The following EDN1 variants were observed in gnomAD, a reference collection of about 807,000 sequenced individuals.
EDN1 encodes endothelin 1, also known as endothelin-1.
EDN1 carries 11 observed loss-of-function variants against 21.7 expected under a neutral mutation model. The observed-to-expected ratio is 0.51, with a 90% CI of 0.32 to 0.84. The LOEUF is 0.84. Ranked by LOEUF, EDN1 falls within the 40% of genes least tolerant of loss-of-function variation. The probability of loss-of-function intolerance (pLI) is 0.03; values close to 1 mark genes in which losing one functional copy is unlikely to be tolerated. For missense variants in EDN1, 244 were observed against 262.3 expected (o/e 0.93, Z 0.48); for synonymous variants, 85 against 90.6 (o/e 0.94, Z 0.35).
chr6:12,269,356 A>G, the EDN1 span, among the ~76,000 whole-genome samples: 1 of 151,952 alleles, frequency 6.6e-6, no homozygotes, highest in Non-Finnish European at 1.5e-5. Context: ...CAGGACTTCC[A>G]TTACTGTTTT....
At chr6:12,293,278 A>G (rs1226135608) in intron 2 of EDN1, among the ~76,000 whole-genome samples, 2 of 152,228 alleles carry the variant, frequency 1.3e-5, no homozygotes, top group Non-Finnish European at 2.9e-5. Flanking sequence ...CAAGGAGCCT[A>G]ATAATTACTA....
chr6:12,281,320 C>G, the EDN1 span, among the ~76,000 whole-genome samples: 1 of 152,288 alleles, frequency 6.6e-6, no homozygotes, highest in East Asian at 1.9e-4. Flanking sequence ...TTTGATGATA[C>G]TTTGCTCTTT....
chr6:12,236,237 T>C, the EDN1 span, among the ~76,000 whole-genome samples: 1 of 152,202 alleles, frequency 6.6e-6, no homozygotes, highest in African/African-American at 2.4e-5. Context: ...TAAATTTGAA[T>C]GTACATTTTC....
chr6:12,294,649 T>A (rs1483195264), intron 4 of EDN1, among the ~76,000 whole-genome samples: 1 of 152,242 alleles, frequency 6.6e-6, no homozygotes, highest in Admixed American at 6.5e-5. Flanking sequence ...TACCATTTCA[T>A]CTACAGGTAG....
At chr6:12,270,386 T>C in the EDN1 span, among the ~76,000 whole-genome samples, 1 of 152,078 alleles carries the variant, frequency 6.6e-6, no homozygotes, top group African/African-American at 2.4e-5. Flanking sequence ...ATCTGAGATT[T>C]TTCTATTTTG....
chr6:12,265,422 G>A, the EDN1 span, among the ~76,000 whole-genome samples: 1 of 152,204 alleles, frequency 6.6e-6, no homozygotes, highest in Non-Finnish European at 1.5e-5. Flanking sequence ...GGTTATCAGG[G>A]TGTGGTCTAA....
At chr6:12,262,095 A>G in the EDN1 span, among the ~76,000 whole-genome samples, 1 of 152,218 alleles carries the variant, frequency 6.6e-6, no homozygotes, top group Non-Finnish European at 1.5e-5. Context: ...TCTCAGGTAC[A>G]CCTAATTGCC....
At chr6:12,271,825 T>C in the EDN1 span, among the ~76,000 whole-genome samples, 1 of 152,252 alleles carries the variant, frequency 6.6e-6, no homozygotes, top group Non-Finnish European at 1.5e-5. Context: ...TTTCTGAAGA[T>C]AGCTTTCCTG....
At chr6:12,282,398 C>T in the EDN1 span, among the ~76,000 whole-genome samples, 10 of 152,190 alleles carry the variant, frequency 6.6e-5, no homozygotes, top group African/African-American at 2.4e-4. Flanking sequence ...TGGAAAAAAT[C>T]GTTTAAACAA....
chr6:12,293,022 G>A (rs1324553217), intron 2 of EDN1, among the ~76,000 whole-genome samples: 2 of 152,136 alleles, frequency 1.3e-5, no homozygotes, highest in Admixed American at 1.3e-4. Context: ...ACTGGAGCCC[G>A]GATTTCCTTT....
the EDN1 span, among the ~76,000 whole-genome samples, chr6:12,254,812 G>A: frequency 6.6e-6 from 1 of 152,092 alleles, no homozygotes; most frequent in East Asian, 1.9e-4. Flanking sequence ...AGAAATTTAT[G>A]AGAAAGGACA....
chr6:12,254,996 A>G, the EDN1 span, among the ~76,000 whole-genome samples: 3 of 152,212 alleles, frequency 2.0e-5, no homozygotes, highest in Admixed American at 6.5e-5. Context: ...CAAAAAATGG[A>G]TACTAACCTG....
the EDN1 span, among the ~76,000 whole-genome samples, chr6:12,256,007 A>G: frequency 1.3e-5 from 2 of 152,296 alleles, no homozygotes; most frequent in African/African-American, 4.8e-5. Flanking sequence ...GGTGCTTAGG[A>G]ACCACTGTAA....
the EDN1 span, among the ~76,000 whole-genome samples, chr6:12,278,196 A>C: frequency 2.6e-5 from 4 of 152,336 alleles, no homozygotes; most frequent in East Asian, 3.9e-4. Context: ...ATTATCCCCC[A>C]AAAATTCATT....
the EDN1 span, among the ~76,000 whole-genome samples, chr6:12,238,731 A>G: frequency 6.6e-6 from 1 of 152,216 alleles, no homozygotes; most frequent in African/African-American, 2.4e-5. Context: ...CATTGTAGCC[A>G]CAAAATCAAA....
Position 12,290,413 on chromosome 6 carries a change from C to A in EDN1, c.-217C>A. The A allele has an allele frequency of 1.7e-6, 1 of 586,600 alleles. No homozygotes were observed. Among genetic ancestry groups the A allele is most frequent in the Non-Finnish European group, 3.0e-6 (1 of 330,350 alleles). The allele number at this position is 586,600 out of a possible 1,614,324, so 36.3% of individuals were successfully genotyped here. The stretch of plus-strand genomic sequence containing the variant: ...GAACGGGTCCTGCGCCTCCTGCAGT[C>A]CCAGCTCTCCACCGCCGCGTGCGCC... On this transcript the variant is annotated 5_prime_UTR_variant, in exon 1 of 5. Coordinates refer to ENST00000379375, the MANE Select transcript of EDN1 (RefSeq NM_001955.5).
chr6:12,264,966 C>T, the EDN1 span, among the ~76,000 whole-genome samples: 1 of 152,200 alleles, frequency 6.6e-6, no homozygotes, highest in East Asian at 1.9e-4. Flanking sequence ...ATATCCTCCA[C>T]TTTGCTGTTC....
chr6:12,291,362 A>G (rs1424515925), intron 1 of EDN1, among the ~76,000 whole-genome samples: 1 of 151,764 alleles, frequency 6.6e-6, no homozygotes, highest in Non-Finnish European at 1.5e-5. Context: ...AGCTTTATTC[A>G]CCTGTGCTGG....
chr6:12,284,005 T>C, the EDN1 span, among the ~76,000 whole-genome samples: 1 of 152,230 alleles, frequency 6.6e-6, no homozygotes, highest in South Asian at 2.1e-4. Flanking sequence ...ACCCCAATCA[T>C]TGTTTTCTTT....
Sources: allele counts gnomAD v4.1 joint callset (sites outside exome capture counted in the v4.1 genomes callset), GRCh38; gene constraint gnomAD v4.1.1; transcripts MANE v1.5; gene names NCBI Gene and HGNC (gene_info 2026-07-23, HGNC 2026-07-21).